The following AKAP19 variants were observed in gnomAD, a reference collection of about 807,000 sequenced individuals.
The protein encoded by AKAP19 is small A-kinase anchoring protein.
the AKAP19 span, among the ~76,000 whole-genome samples, chr2:190,198,060 A>T: frequency 6.6e-6 from 1 of 152,226 alleles, no homozygotes; most frequent in Non-Finnish European, 1.5e-5. Context: ...AACAAGACAG[A>T]CACCACACAT....
the AKAP19 span, among the ~76,000 whole-genome samples, chr2:190,003,330 C>T: frequency 1.3e-5 from 2 of 151,922 alleles, no homozygotes; most frequent in African/African-American, 2.4e-5. Flanking sequence ...TAATATTTAT[C>T]TATTACTTAT....
chr2:189,983,177 C>T, the AKAP19 span, among the ~76,000 whole-genome samples: 1 of 152,124 alleles, frequency 6.6e-6, no homozygotes, highest in African/African-American at 2.4e-5. Context: ...TTATTATGCT[C>T]CTGTTGCAGG....
the AKAP19 span, among the ~76,000 whole-genome samples, chr2:189,892,137 C>CT: frequency 6.6e-6 from 1 of 151,802 alleles, no homozygotes; most frequent in Non-Finnish European, 1.5e-5. Flanking sequence ...TTCCTATAAC[C>CT]TTTTTTCATG....
chr2:189,945,996 G>T, the AKAP19 span, among the ~76,000 whole-genome samples: 1 of 152,172 alleles, frequency 6.6e-6, no homozygotes. Flanking sequence ...AATGAAGAAA[G>T]TATGATGGTA....
chr2:190,163,076 T>C, the AKAP19 span, among the ~76,000 whole-genome samples: 6 of 152,340 alleles, frequency 3.9e-5, no homozygotes, highest in East Asian at 1.2e-3. Context: ...CCGATGTGTT[T>C]CTTAACTTTA....
chr2:189,953,940 T>C, the AKAP19 span, among the ~76,000 whole-genome samples: 1 of 152,194 alleles, frequency 6.6e-6, no homozygotes, highest in Admixed American at 6.5e-5. Context: ...TGCAAGGGTA[T>C]TGCCAACATG....
the AKAP19 span, among the ~76,000 whole-genome samples, chr2:189,948,060 C>G: frequency 6.6e-6 from 1 of 152,068 alleles, no homozygotes; most frequent in African/African-American, 2.4e-5. Context: ...TTGTTTACCT[C>G]CTGTGAGACT....
chr2:190,174,390 C>T, the AKAP19 span, among the ~76,000 whole-genome samples: 3 of 152,200 alleles, frequency 2.0e-5, no homozygotes, highest in African/African-American at 4.8e-5. Context: ...GTCCCTTGTC[C>T]ATATGAATAC....
At chr2:189,930,445 G>A in the AKAP19 span, 3 of 217,470 alleles carry the variant, frequency 1.4e-5, no homozygotes, top group South Asian at 7.3e-5. Flanking sequence ...TTGGGAGGCC[G>A]AGATGGGCGA....
At chr2:189,989,508 TC>T in the AKAP19 span, among the ~76,000 whole-genome samples, 2 of 152,100 alleles carry the variant, frequency 1.3e-5, no homozygotes, top group Non-Finnish European at 2.9e-5. Flanking sequence ...TATATTTTTG[TC>T]AGACAAAATA....
the AKAP19 span, among the ~76,000 whole-genome samples, chr2:190,145,299 T>G: frequency 6.6e-6 from 1 of 152,178 alleles, no homozygotes; most frequent in African/African-American, 2.4e-5. Context: ...TAGATAGAAC[T>G]CTTCCTTTTT....
chr2:190,087,821 T>C, the AKAP19 span, among the ~76,000 whole-genome samples: 1 of 152,230 alleles, frequency 6.6e-6, no homozygotes, highest in Non-Finnish European at 1.5e-5. Context: ...ACCTTTCTAG[T>C]CAGAATGGGA....
At chr2:190,146,307 G>A in the AKAP19 span, among the ~76,000 whole-genome samples, 2 of 152,168 alleles carry the variant, frequency 1.3e-5, no homozygotes, top group African/African-American at 4.8e-5. Context: ...CACTGCAAAT[G>A]CTGTTAATTC....
chr2:190,044,606 G>C, the AKAP19 span, among the ~76,000 whole-genome samples: 6 of 152,066 alleles, frequency 3.9e-5, no homozygotes, highest in East Asian at 5.8e-4. Context: ...TAGCTCTGGT[G>C]GGGGGTGACT....
At chr2:190,152,575 A>G in the AKAP19 span, among the ~76,000 whole-genome samples, 1 of 152,068 alleles carries the variant, frequency 6.6e-6, no homozygotes, top group African/African-American at 2.4e-5. Flanking sequence ...TAGCACTTTT[A>G]TTGCTTTTAT....
chr2:189,986,056 A>T, the AKAP19 span, among the ~76,000 whole-genome samples: 330 of 152,330 alleles, frequency 2.2e-3, 17 homozygotes, highest in Admixed American at 0.021. Context: ...GGCTAGCCAT[A>T]GTTAAAATAT....
the AKAP19 span, among the ~76,000 whole-genome samples, chr2:189,914,146 TA>T: frequency 1.5e-4 from 23 of 152,186 alleles, no homozygotes; most frequent in Middle Eastern, 3.4e-3. Context: ...TCTCACAATA[TA>T]GTGATTAAAT....
chr2:189,960,797 C>A, the AKAP19 span, among the ~76,000 whole-genome samples: 1 of 152,110 alleles, frequency 6.6e-6, no homozygotes, highest in Non-Finnish European at 1.5e-5. Context: ...CCTGACCCCA[C>A]CTTTGTGTAC....
the AKAP19 span, among the ~76,000 whole-genome samples, chr2:190,147,285 G>T: frequency 2.4e-3 from 359 of 152,188 alleles, 4 homozygotes; most frequent in African/African-American, 8.1e-3. Context: ...GTTTTTGTTT[G>T]CTTTGTCAAA....
Sources: allele counts gnomAD v4.1 joint callset (sites outside exome capture counted in the v4.1 genomes callset), GRCh38; gene constraint gnomAD v4.1.1; transcripts MANE v1.5; gene names NCBI Gene and HGNC (gene_info 2026-07-23, HGNC 2026-07-21).